The following NEK10 variants were observed in gnomAD, a reference collection of about 807,000 sequenced individuals.
NEK10 encodes the protein NIMA related kinase 10.
NEK10 carries 122 observed loss-of-function variants against 159.8 expected under a neutral mutation model. That is an observed-to-expected ratio of 0.76 (90% CI 0.66 to 0.89). NEK10 has a LOEUF of 0.89. Ranked by LOEUF, NEK10 falls within the 40% of genes least tolerant of loss-of-function variation. NEK10 has a pLI of 0.00. For missense variants in NEK10, 1,342 were observed against 1,323.1 expected, an observed-to-expected ratio of 1.01 and a Z score of -0.22; for synonymous variants, 466 against 457.1, an observed-to-expected ratio of 1.02 and a Z score of -0.25.
intron 1 of NEK10, among the ~76,000 whole-genome samples, chr3:27,368,509 G>C (rs1324367879): frequency 6.6e-6 from 1 of 152,050 alleles, no homozygotes; most frequent in Non-Finnish European, 1.5e-5. Context: ...TATTAAGAAG[G>C]GATAGTCTTG....
At chr3:27,170,892 G>A (rs536064949) in intron 29 of NEK10, among the ~76,000 whole-genome samples, 9 of 152,018 alleles carry the variant, frequency 5.9e-5, no homozygotes, top group Non-Finnish European at 1.3e-4. Context: ...GGTCTATGAT[G>A]CAACTGTATA....
At chr3:27,172,770 T>A (rs1336762802) in intron 28 of NEK10, among the ~76,000 whole-genome samples, 3 of 151,970 alleles carry the variant, frequency 2.0e-5, no homozygotes, top group Admixed American at 6.6e-5. Context: ...TCAGAAAAAA[T>A]TTTAAATAAG....
intron 22 of NEK10, among the ~76,000 whole-genome samples, chr3:27,260,219 C>T (rs200816766): frequency 1.3e-5 from 2 of 152,118 alleles, no homozygotes; most frequent in East Asian, 1.9e-4. Context: ...ATTTCCTTCT[C>T]CTGCCTGATT....
At chr3:27,333,783 G>T (rs1301174031) in intron 5 of NEK10, among the ~76,000 whole-genome samples, 3 of 151,902 alleles carry the variant, frequency 2.0e-5, no homozygotes, top group Admixed American at 2.0e-4. Flanking sequence ...TATCCTGGAA[G>T]CCAGCAGTGC....
At chr3:27,234,455 C>T (rs573875861) in intron 23 of NEK10, among the ~76,000 whole-genome samples, 2 of 152,204 alleles carry the variant, frequency 1.3e-5, no homozygotes, top group East Asian at 3.9e-4. Context: ...CACTAGCATT[C>T]CTATACACCA....
intron 11 of NEK10, 82 bp from the exon 12 acceptor site, chr3:27,305,053 T>A (rs2044129117): frequency 2.4e-6 from 2 of 829,520 alleles, no homozygotes; most frequent in Admixed American, 4.3e-5. Context: ...CTATCATCAG[T>A]GCATGAAATA....
chr3:27,278,513 G>A (rs2041925972), intron 22 of NEK10: 1 of 170,322 alleles, frequency 5.9e-6, no homozygotes, highest in Admixed American at 6.5e-5. Flanking sequence ...ACTTTACACT[G>A]AATCAGGTTT....
At chr3:27,272,438 T>C (rs1410242504) in intron 22 of NEK10, among the ~76,000 whole-genome samples, 1 of 152,190 alleles carries the variant, frequency 6.6e-6, no homozygotes, top group Non-Finnish European at 1.5e-5. Flanking sequence ...TGTCTGATTA[T>C]AGTTTAAATG....
intron 26 of NEK10, among the ~76,000 whole-genome samples, chr3:27,183,658 A>T (rs1164824866): frequency 2.0e-5 from 3 of 152,090 alleles, no homozygotes; most frequent in Non-Finnish European, 4.4e-5. Context: ...CATAGACTAT[A>T]CAAAATGTTT....
At chr3:27,222,335 T>G in intron 23 of NEK10, among the ~76,000 whole-genome samples, 1 of 152,202 alleles carries the variant, frequency 6.6e-6, no homozygotes, top group East Asian at 1.9e-4. Context: ...ATCATGCCAC[T>G]GCACTCCAGC....
intron 3 of NEK10, among the ~76,000 whole-genome samples, chr3:27,347,979 G>C (rs2047688721): frequency 6.6e-6 from 1 of 152,116 alleles, no homozygotes; most frequent in Admixed American, 6.6e-5. Context: ...CTTGTTATGT[G>C]TCAAGCATAG....
intron 26 of NEK10, among the ~76,000 whole-genome samples, chr3:27,182,824 C>T (rs1046207460): frequency 1.3e-5 from 2 of 151,802 alleles, no homozygotes; most frequent in Non-Finnish European, 2.9e-5. Context: ...ATAAGCCAGG[C>T]ACAGAAAGAG....
intron 26 of NEK10, among the ~76,000 whole-genome samples, chr3:27,186,629 C>G (rs564257057): frequency 1.1e-4 from 17 of 152,298 alleles, no homozygotes; most frequent in African/African-American, 3.6e-4. Flanking sequence ...TCATGATCAT[C>G]ATAACACTAT....
chr3:27,202,689 G>A, intron 23 of NEK10, 132 bp from the exon 24 acceptor site: 1 of 1,205,872 alleles, frequency 8.3e-7, no homozygotes, highest in Non-Finnish European at 1.1e-6. Context: ...TTTCAGGAAA[G>A]GATATCAAAA....
At chr3:27,286,085 T>TTA (rs1553618025) in intron 20 of NEK10, among the ~76,000 whole-genome samples, 7 of 126,644 alleles carry the variant, frequency 5.5e-5, no homozygotes, top group Non-Finnish European at 1.7e-5. Flanking sequence ...AATTCTTTTT[T>TTA]TTTTTTTTTT....
intron 22 of NEK10, among the ~76,000 whole-genome samples, chr3:27,258,905 G>A (rs1042278676): frequency 1.1e-4 from 16 of 152,040 alleles, no homozygotes; most frequent in African/African-American, 2.4e-4. Flanking sequence ...TTTAATGATC[G>A]TCATTCTAAC....
intron 23 of NEK10, among the ~76,000 whole-genome samples, chr3:27,237,407 C>A (rs914449153): frequency 8.5e-5 from 13 of 152,078 alleles, no homozygotes; most frequent in African/African-American, 3.1e-4. Flanking sequence ...GAAATCTTCA[C>A]AATTTATGTT....
chr3:27,345,568 G>A (rs1046303692), intron 4 of NEK10, among the ~76,000 whole-genome samples: 3 of 152,150 alleles, frequency 2.0e-5, no homozygotes, highest in Non-Finnish European at 4.4e-5. Context: ...ACCAGCTCCC[G>A]AGAGGGGAGT....
chr3:27,334,283 G>T (rs1332620596), intron 5 of NEK10, among the ~76,000 whole-genome samples: 2 of 152,164 alleles, frequency 1.3e-5, no homozygotes, highest in African/African-American at 4.8e-5. Context: ...ACACCAGCAT[G>T]CATTACTTGG....
Sources: gnomAD v4.1 joint callset for allele counts (sites outside exome capture counted in the v4.1 genomes callset) on GRCh38, gnomAD v4.1.1 for gene constraint, MANE v1.5 for transcripts, NCBI Gene and HGNC (gene_info 2026-07-23, HGNC 2026-07-21) for gene names.